PTGER3: variants seen among roughly 807,000 people sequenced by gnomAD.
PTGER3 encodes the protein prostaglandin E receptor 3, also known as prostaglandin E2 receptor EP3 subtype.
PTGER3 carries 22 observed loss-of-function variants against 34.7 expected under a neutral mutation model. The observed-to-expected ratio is 0.63, with a 90% CI of 0.45 to 0.91. The LOEUF (loss-of-function observed/expected upper bound fraction) is 0.91, where lower values mean the gene tolerates loss of function less well. PTGER3 is among the 40% of genes least tolerant of loss of function. The pLI is 0.00. For missense variants in PTGER3, 468 were observed against 519.4 expected (o/e 0.90, Z 0.96); for synonymous variants, 241 against 230.1 (o/e 1.05, Z -0.43).
chr1:70,951,679 A>G (rs1650773091), downstream of PTGER3, among the ~76,000 whole-genome samples: 3 of 152,216 alleles, frequency 2.0e-5, no homozygotes, highest in South Asian at 6.2e-4. Context: ...TATTCCTCAC[A>G]GCAATTCCTT....
chr1:71,006,533 G>A, intron 2 of PTGER3: 1 of 984,058 alleles, frequency 1.0e-6, no homozygotes, highest in Non-Finnish European at 1.2e-6. Context: ...CACAAGAAAG[G>A]GAAATAACTA....
intron 2 of PTGER3, among the ~76,000 whole-genome samples, chr1:70,979,598 A>T (rs1166006876): frequency 1.3e-5 from 2 of 152,032 alleles, no homozygotes; most frequent in African/African-American, 4.8e-5. Context: ...AACAAAAATA[A>T]ACGGTTTCCC....
intron 4 of PTGER3, among the ~76,000 whole-genome samples, chr1:70,932,799 C>T (rs1250431750): frequency 1.3e-5 from 2 of 152,166 alleles, no homozygotes; most frequent in Admixed American, 6.5e-5. Flanking sequence ...AACTATGCCC[C>T]CAATTCTCAG....
At chr1:70,993,699 G>A (rs1655671383) in intron 2 of PTGER3, among the ~76,000 whole-genome samples, 1 of 152,266 alleles carries the variant, frequency 6.6e-6, no homozygotes, top group African/African-American at 2.4e-5. Context: ...CTCCTCGAGG[G>A]CATTTGCATC....
At chr1:70,888,007 T>A (rs1239705886) in intron 4 of PTGER3, among the ~76,000 whole-genome samples, 2 of 152,240 alleles carry the variant, frequency 1.3e-5, no homozygotes, top group East Asian at 1.9e-4. Flanking sequence ...ACTGTTTCTG[T>A]CTTTCATTTT....
exon 4 of PTGER3, chr1:70,952,865 G>A: frequency 6.5e-7 from 1 of 1,537,836 alleles, no homozygotes; most frequent in Non-Finnish European, 8.8e-7. Flanking sequence ...GGAGGAGCTT[G>A]CTTTTTTAAA....
intron 4 of PTGER3, among the ~76,000 whole-genome samples, chr1:70,880,598 G>A (rs1419645084): frequency 4.0e-5 from 6 of 151,338 alleles, no homozygotes; most frequent in Non-Finnish European, 7.4e-5. Flanking sequence ...GCTGATGCAG[G>A]AGAATCTTTT....
At chr1:71,007,121 A>G (rs1195144563) in intron 2 of PTGER3, 1 of 984,968 alleles carries the variant, frequency 1.0e-6, no homozygotes, top group Non-Finnish European at 1.2e-6. Context: ...TCAAGTATAT[A>G]GAGATGGATG....
intron 1 of PTGER3, among the ~76,000 whole-genome samples, chr1:71,020,162 T>C (rs1224357309): frequency 6.6e-6 from 1 of 152,142 alleles, no homozygotes; most frequent in Non-Finnish European, 1.5e-5. Flanking sequence ...TTACAACAGT[T>C]CTCCAGTTGT....
intron 4 of PTGER3, among the ~76,000 whole-genome samples, chr1:70,855,280 C>A (rs1225927780): frequency 1.3e-5 from 2 of 152,138 alleles, no homozygotes; most frequent in Admixed American, 1.3e-4. Flanking sequence ...TGGTCCAACT[C>A]ATAGAAAGCA....
intron 4 of PTGER3, among the ~76,000 whole-genome samples, chr1:70,880,791 T>C (rs1572534827): frequency 1.3e-5 from 2 of 151,970 alleles, no homozygotes; most frequent in South Asian, 4.2e-4. Flanking sequence ...CTTGATAGGG[T>C]TCCCTTTGTA....
At chr1:70,990,140 T>C (rs144145476) in intron 2 of PTGER3, among the ~76,000 whole-genome samples, 83 of 151,402 alleles carry the variant, frequency 5.5e-4, no homozygotes, top group East Asian at 4.5e-3. Context: ...GATCACGAGG[T>C]CAGGAGATCG....
chr1:70,882,746 G>A (rs1486624284), intron 4 of PTGER3, among the ~76,000 whole-genome samples: 2 of 152,052 alleles, frequency 1.3e-5, no homozygotes, highest in South Asian at 4.1e-4. Context: ...ATCTTCTAGG[G>A]GGCTCTCACT....
intron 1 of PTGER3, among the ~76,000 whole-genome samples, chr1:71,044,378 A>G (rs1356752783): frequency 6.7e-6 from 1 of 150,060 alleles, no homozygotes; most frequent in Non-Finnish European, 1.5e-5. Flanking sequence ...TGGAGGCTGC[A>G]GAGAGCTGAG....
At chr1:70,901,482 T>C in intron 4 of PTGER3, among the ~76,000 whole-genome samples, 1 of 152,194 alleles carries the variant, frequency 6.6e-6, no homozygotes, top group East Asian at 1.9e-4. Flanking sequence ...GAGGAATCCA[T>C]TGTCAATTGA....
chr1:70,911,780 TTTTA>T (rs1180872442), intron 4 of PTGER3, among the ~76,000 whole-genome samples: 6 of 152,094 alleles, frequency 3.9e-5, no homozygotes, highest in South Asian at 2.1e-4. Context: ...GAAATAAAAA[TTTTA>T]TTTGTTTGTT....
chr1:71,027,018 G>A (rs910109800), intron 1 of PTGER3, among the ~76,000 whole-genome samples: 17 of 152,080 alleles, frequency 1.1e-4, no homozygotes, highest in Non-Finnish European at 1.6e-4. Flanking sequence ...TCTCCTTAAC[G>A]TGTGAACCCA....
At chr1:70,910,326 A>G (rs1361059749) in intron 4 of PTGER3, among the ~76,000 whole-genome samples, 1 of 152,190 alleles carries the variant, frequency 6.6e-6, no homozygotes, top group Admixed American at 6.5e-5. Flanking sequence ...ACCTCAACAT[A>G]TGTGCCATAA....
In PTGER3 at chr1:71,001,490, A is replaced by G. The variant is rs553389203; in HGVS notation, c.1077+10815T>C. On this transcript the variant is annotated intron_variant, in intron 2 of 3. Coordinates refer to ENST00000306666, the MANE Select transcript of PTGER3 (RefSeq NM_198719.2). ...AGAAAAGAAATCCATCTCATTCAGGAGAAAGAGTGGGAACCTGAAATTTCT... is the reference window on the plus strand; with the variant it reads ...AGAAAAGAAATCCATCTCATTCAGGGGAAAGAGTGGGAACCTGAAATTTCT... Among the ~76,000 whole-genome samples, 262 of 152,336 alleles carry G rather than the reference A, an allele frequency of 1.7e-3. 2 individuals carry two copies. The highest frequency in any genetic ancestry group is 5.9e-3 in the African/African-American group (246 of 41,572).
Sources: gnomAD v4.1 joint callset for allele counts (sites outside exome capture counted in the v4.1 genomes callset) on GRCh38, gnomAD v4.1.1 for gene constraint, MANE v1.5 for transcripts, NCBI Gene and HGNC (gene_info 2026-07-23, HGNC 2026-07-21) for gene names.